Variants in ZNF875 observed in about 807,000 individuals in gnomAD.
The protein encoded by ZNF875 is HKR1, GLI-Kruppel zinc finger family member.
A neutral mutation model predicts 11.2 loss-of-function variants in ZNF875; 14 were observed. That is an observed-to-expected ratio of 1.26 (90% CI 0.83 to 1.96). The LOEUF (loss-of-function observed/expected upper bound fraction) is 1.96. ZNF875 is among the 30% of genes most tolerant of loss of function. ZNF875 has a pLI of 0.00. For synonymous variants in ZNF875, 301 were observed against 281.1 expected, an observed-to-expected ratio of 1.07 and a Z score of -0.71; for missense variants, 752 against 760.4, an observed-to-expected ratio of 0.99 and a Z score of 0.13.
chr19:37,363,005 A>T lies in ZNF875; in HGVS notation c.1153A>T (p.Lys385Ter), dbSNP rs759609006. Reference sequence around the variant, plus strand: ...CCAGCATTCACACCTGGTCAGACACAAGAGGACACATTCAGGAGAGAAGCC... The same window carrying T: ...CCAGCATTCACACCTGGTCAGACACTAGAGGACACATTCAGGAGAGAAGCC... The part of the protein sequence containing the change: ...FRQHSHLVRH[K>*]RTHSGEKPYI... Residue 385 changes from lysine (K) to a stop codon, truncating the protein, a stop_gained, in exon 5 of 5, where the codon AAG becomes TAG. Transcript: ENST00000392153. LOFTEE classifies it low-confidence loss of function (END_TRUNC). 1 of 1,613,994 alleles carries T rather than the reference A, an allele frequency of 6.2e-7. No individual in the cohort carries two copies. Among genetic ancestry groups the T allele is most frequent in the Non-Finnish European group, 8.5e-7 (1 of 1,179,998 alleles).
chr19:37,351,393 T>G, intron 4 of ZNF875, among the ~76,000 whole-genome samples: 1 of 152,186 alleles, frequency 6.6e-6, no homozygotes. Context: ...TTTGGTTTCA[T>G]TGATTTTCTG....
At chr19:37,327,680 G>T (rs1297744018) in intron 4 of ZNF875, among the ~76,000 whole-genome samples, 1 of 148,718 alleles carries the variant, frequency 6.7e-6, no homozygotes, top group African/African-American at 2.5e-5. Flanking sequence ...CAGGAGAATC[G>T]CTTGAACCCG....
At chr19:37,335,932 C>T (rs2034291997) in intron 2 of ZNF875, among the ~76,000 whole-genome samples, 1 of 152,170 alleles carries the variant, frequency 6.6e-6, no homozygotes, top group South Asian at 2.1e-4. Context: ...TGGAAGAGTG[C>T]CTCGTTCTAA....
chr19:37,322,800 A>G (rs2031731810), intron 2 of ZNF875, among the ~76,000 whole-genome samples: 1 of 151,936 alleles, frequency 6.6e-6, no homozygotes, highest in South Asian at 2.1e-4. Context: ...GGAAGCCCAT[A>G]TTTTCAGCCT....
intron 4 of ZNF875, among the ~76,000 whole-genome samples, chr19:37,328,420 G>A (rs2032866046): frequency 6.6e-6 from 1 of 152,042 alleles, no homozygotes; most frequent in Non-Finnish European, 1.5e-5. Context: ...GAGGTGATTA[G>A]GTCATGAAGG....
rs1231381215 is a variant in ZNF875, at chr19:37,334,687, G to T, written c.-152G>T. The T allele has an allele frequency of 8.8e-6, 4 of 455,928 alleles. No individual in the cohort carries two copies. Among genetic ancestry groups the T allele is most frequent in the African/African-American group, 8.0e-5 (4 of 50,052 alleles). The allele number at this position is 455,928 out of a possible 1,614,324, so 28.2% of individuals were successfully genotyped here. On this transcript the variant is annotated 5_prime_UTR_variant, in exon 1 of 5. Coordinates refer to ENST00000392153, the MANE Select transcript of ZNF875 (RefSeq NM_001353803.2). Reference sequence around the variant, plus strand: ...GGCCCAGGCGCGTTAAGCTGGTTGGGACCCGGGAAGGCCTCCCTCTTAAGG... The same window carrying T: ...GGCCCAGGCGCGTTAAGCTGGTTGGTACCCGGGAAGGCCTCCCTCTTAAGG...
At chr19:37,325,585 GC>G (rs1427668909) in intron 4 of ZNF875, among the ~76,000 whole-genome samples, 1 of 144,672 alleles carries the variant, frequency 6.9e-6, no homozygotes, top group Non-Finnish European at 1.5e-5. Flanking sequence ...TTGCTTTGTT[GC>G]CCAGGCTGGA....
At position 37,363,261 on chromosome 19, in the gene ZNF875, G is replaced by A. The variant is rs774572333; in HGVS notation, c.1409G>A (p.Arg470Lys). The change falls in exon 5 of 5, where the codon AGG becomes AAG. Residue 470 changes from arginine (R) to lysine (K), a missense_variant. By Grantham distance (26) the Arg-to-Lys change is conservative. Transcript: ENST00000392153. ...SLKSNLNKHQ[R>K]SHTGEKPFVC... ...AAGTCAAACCTTAACAAACACCAGA[G>A]GTCACACACGGGGGAGAAGCCATTT... 8.7e-6 allele frequency: 14 copies of A among 1,613,774 alleles called. No homozygotes were observed. The East Asian group carries it at 3.1e-4, about 36-fold the overall frequency.
At position 37,334,989 on chromosome 19, in the gene ZNF875, T is replaced by C. The variant is rs908505292; in HGVS notation, c.-56-180T>C. 11 of 531,668 alleles carry C rather than the reference T, an allele frequency of 2.1e-5. No homozygotes were observed. The African/African-American group carries it at 2.1e-4, about 10-fold the overall frequency. The allele number at this position is 531,668 out of a possible 1,614,324, so 32.9% of individuals were successfully genotyped here. On this transcript the variant is annotated intron_variant, in intron 1 of 4. Coordinates refer to ENST00000392153, the MANE Select transcript of ZNF875 (RefSeq NM_001353803.2). The stretch of plus-strand genomic sequence containing the variant: ...AAGGGCTTCACTCCCTGTCCCGAGC[T>C]TGCGGCTGAGCTTGAGGGTGGCTGG...
intron 4 of ZNF875, among the ~76,000 whole-genome samples, chr19:37,361,214 G>A (rs758514293): frequency 2.7e-5 from 4 of 150,268 alleles, no homozygotes; most frequent in Non-Finnish European, 5.9e-5. Context: ...GGGTTCAAGC[G>A]ATTCTCCTGC....
chr19:37,327,901 C>G (rs2032767469), intron 4 of ZNF875, among the ~76,000 whole-genome samples: 1 of 151,960 alleles, frequency 6.6e-6, no homozygotes, highest in Non-Finnish European at 1.5e-5. Context: ...CTTTCCTGTG[C>G]TCGAATGGAA....
chr19:37,362,711 T>C lies in ZNF875; in HGVS notation c.859T>C (p.Cys287Arg), dbSNP rs1343733814. The C allele has an allele frequency of 6.2e-7, 1 of 1,613,520 alleles. No individual in the cohort carries two copies. ...GGGAAAGCCTTATGTGTGCAGGGAA[T>C]GTGGGCGAGGCTTTACGTGGAAGTC... ...SGGKPYVCRE[C>R]GRGFTWKSNL... Residue 287 changes from cysteine to arginine, a missense_variant, in exon 5 of 5, where the codon TGT becomes CGT. Transcript: ENST00000392153.
chr19:37,357,923 T>C (rs1568645949), intron 4 of ZNF875: 3 of 398,252 alleles, frequency 7.5e-6, no homozygotes, highest in Admixed American at 8.8e-5. Flanking sequence ...TGAATACGAG[T>C]GGTGAGAGCA....
rs1261096420 is a variant in ZNF875 at position 37,362,884 on chromosome 19, G to A, written c.1032G>A (p.Gly344=). 1 of 1,613,944 alleles carries A rather than the reference G, an allele frequency of 6.2e-7. No individual in the cohort carries two copies. The highest frequency in any genetic ancestry group is 1.7e-5 in the Admixed American group (1 of 60,008). Residue 344 remains glycine, a synonymous_variant, in exon 5 of 5, where the codon GGG becomes GGA. Transcript: ENST00000392153. Reference sequence around the variant, plus strand: ...AGCCTTATGTGTGCAAGGAATGTGGGCAGAGCTTTAGCCTGAAGTCAAACC... The same window carrying A: ...AGCCTTATGTGTGCAAGGAATGTGGACAGAGCTTTAGCCTGAAGTCAAACC... ...GLKPYVCKEC[G]QSFSLKSNLI...
intron 2 of ZNF875, among the ~76,000 whole-genome samples, chr19:37,340,355 C>G (rs1276386601): frequency 6.6e-6 from 1 of 152,128 alleles, no homozygotes; most frequent in East Asian, 1.9e-4. Context: ...GGTAGACCTG[C>G]CAACTTAGGT....
chr19:37,350,635 G>C (rs1040765478), intron 4 of ZNF875, among the ~76,000 whole-genome samples: 5 of 151,486 alleles, frequency 3.3e-5, no homozygotes, highest in African/African-American at 1.2e-4. Flanking sequence ...CTCTATAGTA[G>C]TATGAAATTT....
rs773230308 is a variant in ZNF875 at position 37,363,794 on chromosome 19, G to T, written c.*19G>T. The stretch of plus-strand genomic sequence containing the variant: ...AGGATAGAAACTTTATGTGTATAGG[G>T]AATGTGGTACAGCCTTTAGCCAGGA... On this transcript the variant is annotated 3_prime_UTR_variant, in exon 5 of 5. Coordinates refer to ENST00000392153, the MANE Select transcript of ZNF875 (RefSeq NM_001353803.2). 2 of 1,599,166 alleles carry T rather than the reference G, an allele frequency of 1.3e-6. No homozygotes were observed. Among genetic ancestry groups the T allele is most frequent in the South Asian group, 2.2e-5 (2 of 90,572 alleles).
Position 37,347,195 on chromosome 19 carries a change from C to T in ZNF875, c.39C>T (p.Phe13=), listed in dbSNP as rs749094008. 6 of 1,613,952 alleles carry T rather than the reference C, an allele frequency of 3.7e-6. No individual in the cohort carries two copies. Among genetic ancestry groups the T allele is most frequent in the Middle Eastern group, 1.6e-4 (1 of 6,062 alleles). The change falls in exon 3 of 5, where the codon TTC becomes TTT. Residue 13 remains phenylalanine (F), a synonymous_variant. Transcript: ENST00000392153. ...AGGTGTGTTTTGTGTTAAAGGCGTT[C>T]GTGGCATTCAGGGATGTGGCTGTGT... ...TGLLRAKKEA[F]VAFRDVAVYF... is the part of the protein sequence containing the mutation.
chr19:37,351,392 A>G (rs762426016), intron 4 of ZNF875, among the ~76,000 whole-genome samples: 68 of 152,198 alleles, frequency 4.5e-4, no homozygotes, highest in Admixed American at 3.9e-4. Flanking sequence ...TTTTGGTTTC[A>G]TTGATTTTCT....
Sources: allele counts gnomAD v4.1 joint callset (sites outside exome capture counted in the v4.1 genomes callset), GRCh38; gene constraint gnomAD v4.1.1; transcripts MANE v1.5; gene names NCBI Gene and HGNC (gene_info 2026-07-23, HGNC 2026-07-21).